The following TENM4 variants were observed in gnomAD, a reference collection of about 807,000 sequenced individuals.
The protein encoded by TENM4 is teneurin transmembrane protein 4.
Under a neutral mutation model 243.3 loss-of-function variants are expected in TENM4, and 82 were observed. That is an observed-to-expected ratio of 0.34 (90% CI 0.28 to 0.40). The LOEUF is 0.40. Among genes scored for constraint, TENM4 ranks in the 10% least tolerant of loss-of-function variants. The pLI, the probability that TENM4 is intolerant of heterozygous loss-of-function variation, is 1.00. For synonymous variants in TENM4, 1,412 were observed against 1,456.3 expected, an observed-to-expected ratio of 0.97 and a Z score of 0.69; for missense variants, 3,138 against 3,673.3, an observed-to-expected ratio of 0.85 and a Z score of 3.77.
Position 79,072,886 on chromosome 11 carries a change from TTAA to T in TENM4, c.-65-2880_-65-2878del, listed in dbSNP as rs533744949. 1.6e-4 allele frequency among the ~76,000 whole-genome samples: 24 copies of T among 152,330 alleles called. No individual in the cohort carries two copies. The East Asian group carries it at 4.2e-3, about 27-fold the overall frequency. The stretch of plus-strand genomic sequence containing the variant: ...TAACTCATATTAATAACTCATAATA[TTAA>T]TAATGGTTTGAACAATATAGCTAAT... On this transcript the variant is annotated intron_variant, in intron 4 of 33. Transcript: ENST00000278550.
intron 4 of TENM4, among the ~76,000 whole-genome samples, chr11:79,129,004 AG>A (rs777862942): frequency 6.8e-4 from 104 of 152,340 alleles, no homozygotes; most frequent in Admixed American, 1.0e-3. Context: ...GGAAGCAGAC[AG>A]CTCCTGCAGG....
At chr11:78,739,594 A>G (rs1855875771) in intron 19 of TENM4, among the ~76,000 whole-genome samples, 1 of 152,084 alleles carries the variant, frequency 6.6e-6, no homozygotes, top group South Asian at 2.1e-4. Flanking sequence ...GAGCAAATAA[A>G]TGGGACAACT....
At chr11:78,973,701 G>C (rs1453251810) in intron 6 of TENM4, among the ~76,000 whole-genome samples, 1 of 151,650 alleles carries the variant, frequency 6.6e-6, no homozygotes, top group Non-Finnish European at 1.5e-5. Flanking sequence ...TAACTATATA[G>C]AACAAGATCA....
At chr11:79,429,592 C>T (rs1253755190) in intron 1 of TENM4, among the ~76,000 whole-genome samples, 2 of 152,046 alleles carry the variant, frequency 1.3e-5, no homozygotes, top group African/African-American at 4.8e-5. Context: ...ATAGACAATC[C>T]AAGGAACTTG....
chr11:79,336,758 G>A (rs1857154656), intron 1 of TENM4, among the ~76,000 whole-genome samples: 1 of 152,168 alleles, frequency 6.6e-6, no homozygotes, highest in Non-Finnish European at 1.5e-5. Flanking sequence ...CTACCCCCCT[G>A]CCCTTTTTCT....
chr11:79,124,441 C>T (rs1050821807), intron 4 of TENM4, among the ~76,000 whole-genome samples: 1 of 152,098 alleles, frequency 6.6e-6, no homozygotes, highest in African/African-American at 2.4e-5. Context: ...CATCTTTCTC[C>T]TGTGCTGGAT....
chr11:79,386,740 G>A (rs1005954449), intron 1 of TENM4, among the ~76,000 whole-genome samples: 20 of 136,258 alleles, frequency 1.5e-4, no homozygotes, highest in Admixed American at 3.0e-4. Flanking sequence ...GAACACGGCC[G>A]TTGAGTTCAT....
At chr11:79,397,329 A>T (rs1451323041) in intron 1 of TENM4, among the ~76,000 whole-genome samples, 1 of 152,150 alleles carries the variant, frequency 6.6e-6, no homozygotes, top group Non-Finnish European at 1.5e-5. Context: ...AAGTAAAGAA[A>T]CTGAAGCCCA....
chr11:79,229,699 G>T (rs534695562), intron 2 of TENM4, among the ~76,000 whole-genome samples: 35 of 152,320 alleles, frequency 2.3e-4, no homozygotes, highest in African/African-American at 7.7e-4. Flanking sequence ...TCCTCTGCCA[G>T]AATAGAAGCC....
chr11:79,283,418 A>C (rs2135368523), intron 2 of TENM4, among the ~76,000 whole-genome samples: 1 of 152,320 alleles, frequency 6.6e-6, no homozygotes, highest in East Asian at 1.9e-4. Flanking sequence ...ACATACAAAA[A>C]CCAATCAATG....
intron 16 of TENM4, among the ~76,000 whole-genome samples, chr11:78,782,413 C>A (rs1157180091): frequency 6.6e-6 from 1 of 151,776 alleles, no homozygotes; most frequent in Non-Finnish European, 1.5e-5. Flanking sequence ...GCGTGACCAA[C>A]ATGGAGAAAC....
At chr11:78,714,329 T>A (rs1859471914) in intron 25 of TENM4, among the ~76,000 whole-genome samples, 1 of 152,188 alleles carries the variant, frequency 6.6e-6, no homozygotes, top group Non-Finnish European at 1.5e-5. Context: ...CCTGGCAGGT[T>A]TGTCATTATA....
intron 12 of TENM4, among the ~76,000 whole-genome samples, chr11:78,830,134 C>CTCCCTCTTTCTGTG (rs1184514117): frequency 6.6e-6 from 1 of 152,216 alleles, no homozygotes; most frequent in Admixed American, 6.5e-5. Flanking sequence ...AAACATTTTA[C>CTCCCTCTTTCTGTG]AGACATTACT....
At chr11:78,709,959 G>C (rs1240690336) in intron 26 of TENM4, among the ~76,000 whole-genome samples, 1 of 152,140 alleles carries the variant, frequency 6.6e-6, no homozygotes, top group Non-Finnish European at 1.5e-5. Context: ...CATGGCCCTG[G>C]GCAGCACCCA....
chr11:78,675,112 C>G (rs1051862175), intron 30 of TENM4, among the ~76,000 whole-genome samples: 5 of 152,126 alleles, frequency 3.3e-5, no homozygotes, highest in African/African-American at 1.2e-4. Flanking sequence ...AGCAATCCAC[C>G]TGCCTCAGCC....
chr11:79,218,231 C>CCA (rs1864091503), intron 2 of TENM4, among the ~76,000 whole-genome samples: 1 of 49,914 alleles, frequency 2.0e-5, no homozygotes, highest in Non-Finnish European at 4.2e-5. Context: ...TTACCCCCTG[C>CCA]CCACCCACCC....
intron 2 of TENM4, among the ~76,000 whole-genome samples, chr11:79,231,748 A>G (rs1049953962): frequency 1.3e-5 from 2 of 152,208 alleles, no homozygotes; most frequent in Admixed American, 6.5e-5. Context: ...TAGGCAGGGA[A>G]CATTAGTCCT....
At chr11:79,054,589 C>T (rs1383786117) in intron 6 of TENM4, among the ~76,000 whole-genome samples, 1 of 151,744 alleles carries the variant, frequency 6.6e-6, no homozygotes. Flanking sequence ...GCCTCGATCA[C>T]CCAGGCCCCT....
At chr11:78,935,104 C>T (rs941022454) in intron 6 of TENM4, among the ~76,000 whole-genome samples, 4 of 146,756 alleles carry the variant, frequency 2.7e-5, no homozygotes, top group Non-Finnish European at 5.9e-5. Context: ...CTCCGCTTCC[C>T]GGGTTCACGC....
Sources: allele counts gnomAD v4.1 joint callset (sites outside exome capture counted in the v4.1 genomes callset), GRCh38; gene constraint gnomAD v4.1.1; transcripts MANE v1.5; gene names NCBI Gene and HGNC (gene_info 2026-07-23, HGNC 2026-07-21).